RNF213: variants seen among roughly 807,000 people sequenced by gnomAD.
RNF213 encodes the protein E3 ubiquitin-protein ligase RNF213.
Under a neutral mutation model 514.4 loss-of-function variants are expected in RNF213, and 341 were observed. That is an observed-to-expected ratio of 0.66 (90% CI 0.61 to 0.73). The LOEUF is 0.73. Ranked by LOEUF, RNF213 falls within the 30% of genes least tolerant of loss-of-function variation. The pLI is 0.00. For missense variants in RNF213, 5,767 were observed against 6,615.6 expected, an observed-to-expected ratio of 0.87 and a Z score of 4.45; for synonymous variants, 2,655 against 2,658.2, an observed-to-expected ratio of 1.00 and a Z score of 0.04.
chr17:80,340,083 C>G lies in RNF213; in HGVS notation c.5716C>G (p.Arg1906Gly). ...AGATCAGCTGAGCTACGAGGTGGCA[C>G]GCCAAGCGGAGGAGCTTTTCCACAA... is the stretch of plus-strand genomic sequence containing the variant. The part of the protein sequence containing the change: ...FADQLSYEVA[R>G]QAEELFHNLC... The change falls in exon 26 of 68, where the codon CGC (arginine) becomes GGC (glycine). Residue 1906 changes from arginine (R) to glycine (G), a missense_variant. Physicochemically the swap from Arg to Gly is moderately radical, Grantham distance 125. Transcript: ENST00000582970. 3.1e-6 allele frequency: 5 copies of G among 1,600,162 alleles called. No homozygotes were observed. The highest frequency in any genetic ancestry group is 4.3e-6 in the Non-Finnish European group (5 of 1,175,396).
chr17:80,377,721 T>C lies in RNF213; in HGVS notation c.13511-41T>C. On this transcript the variant is annotated intron_variant, in intron 53 of 67. Coordinates refer to ENST00000582970, the MANE Select transcript of RNF213 (RefSeq NM_001256071.3). This position sits in a 1 kb window ranked among gnomAD's most constrained non-coding sequence, Gnocchi z 4.1. ...TCCCTTTTCAATGTGGGTCATTGGG[T>C]GAAACCTCATTAGCCAATGTGTGTC... 1 of 1,613,020 alleles carries C rather than the reference T, an allele frequency of 6.2e-7. No homozygotes were observed. Among genetic ancestry groups the C allele is most frequent in the Non-Finnish European group, 8.5e-7 (1 of 1,178,978 alleles).
intron 62 of RNF213, 27 bp downstream of exon 62, chr17:80,386,457 G>A (rs372898507): frequency 9.3e-6 from 15 of 1,612,580 alleles, no homozygotes; most frequent in African/African-American, 4.0e-5. Context: ...CCAGGAAGTG[G>A]TGCCTGCTCA....
chr17:80,265,040 G>GTTTTTTTTTTT (rs112658451), intron 2 of RNF213, among the ~76,000 whole-genome samples: 1 of 133,762 alleles, frequency 7.5e-6, no homozygotes, highest in African/African-American at 2.9e-5. Flanking sequence ...TTCCATGTTT[G>GTTTTTTTTTTT]TTTGTTTTTT....
In RNF213 at chr17:80,263,037, C is replaced by G. The variant is rs1196167995; in HGVS notation, c.-108-537C>G. Reference sequence around the variant, plus strand: ...CAAGCGCCCAAACGCCATCTCCACTCTCACCCTGGATGCAAGAAGTGACCC... The same window carrying G: ...CAAGCGCCCAAACGCCATCTCCACTGTCACCCTGGATGCAAGAAGTGACCC... On this transcript the variant is annotated intron_variant, in intron 1 of 67. Transcript: ENST00000582970. This position sits in a 1 kb window ranked among gnomAD's most constrained non-coding sequence, Gnocchi z 4.9. 6.6e-6 allele frequency among the ~76,000 whole-genome samples: 1 copy of G among 152,238 alleles called. No individual in the cohort carries two copies. Among genetic ancestry groups the G allele is most frequent in the Non-Finnish European group, 1.5e-5 (1 of 68,038 alleles).
intron 3 of RNF213, among the ~76,000 whole-genome samples, chr17:80,277,066 A>G (rs112467895): frequency 2.2e-4 from 34 of 151,684 alleles, no homozygotes; most frequent in Admixed American, 3.3e-4. Flanking sequence ...AAAACAAAGC[A>G]AACAAACCAA....
chr17:80,296,281 A>G (rs1044885259), intron 10 of RNF213, among the ~76,000 whole-genome samples: 3 of 152,132 alleles, frequency 2.0e-5, no homozygotes, highest in Non-Finnish European at 4.4e-5. Context: ...CGGCCTCCCA[A>G]AGTGCTAGGA....
Position 80,358,496 on chromosome 17 carries a change from C to G in RNF213, c.11054+17C>G. 6.2e-7 allele frequency: 1 copy of G among 1,609,512 alleles called. No homozygotes were observed. Among genetic ancestry groups the G allele is most frequent in the South Asian group, 1.1e-5 (1 of 90,708 alleles). ...TAATGAAAGGTGAGTGGAAGGCTTTCTTTCCCTGGGGAGAGAAACTATCAG... is the reference window on the plus strand; with the variant it reads ...TAATGAAAGGTGAGTGGAAGGCTTTGTTTCCCTGGGGAGAGAAACTATCAG... On this transcript the variant is annotated intron_variant, in intron 37 of 67. Coordinates refer to ENST00000582970, the MANE Select transcript of RNF213 (RefSeq NM_001256071.3).
chr17:80,344,981 C>G lies in RNF213; in HGVS notation c.6646C>G (p.Arg2216Gly). The G allele has an allele frequency of 6.2e-7, 1 of 1,614,158 alleles. No individual in the cohort carries two copies. The highest frequency in any genetic ancestry group is 8.5e-7 in the Non-Finnish European group (1 of 1,180,036). Reference protein sequence around the residue: ...GVINPSWSELRNFARFLNYQL... With the variant: ...GVINPSWSELGNFARFLNYQL... ...AATAAACCCATCCTGGTCAGAGCTT[C>G]GGAACTTTGCTCGGTTCCTGAATTA... is the stretch of plus-strand genomic sequence containing the variant. The change falls in exon 29 of 68, where the codon CGG (arginine) becomes GGG (glycine). Residue 2216 changes from arginine to glycine, a missense_variant. Transcript: ENST00000582970.
At chr17:80,382,024 G>C (rs757622575) in intron 57 of RNF213, 2 of 421,760 alleles carry the variant, frequency 4.7e-6, no homozygotes, top group Non-Finnish European at 9.0e-6. Flanking sequence ...CAAGTGTTCA[G>C]TGTGCATATA....
Position 80,337,937 on chromosome 17 carries a change from G to A in RNF213, c.4773G>A (p.Lys1591=), listed in dbSNP as rs2078036743. Residue 1591 remains lysine, a synonymous_variant, in exon 25 of 68, where the codon AAG becomes AAA. Coordinates refer to ENST00000582970, the MANE Select transcript of RNF213 (RefSeq NM_001256071.3). ...AGGAGGTGAAGGAGCTTTTGAACAA[G>A]TTGATGCTGATGTCTGGCAAGAAGG... is the stretch of plus-strand genomic sequence containing the variant. ...SLEEVKELLN[K]LMLMSGKKDR... 1 of 1,537,210 alleles carries A rather than the reference G, an allele frequency of 6.5e-7. No homozygotes were observed. The highest frequency in any genetic ancestry group is 1.4e-5 in the African/African-American group (1 of 73,062).
chr17:80,320,108 A>G (rs571693490), intron 17 of RNF213: 1 of 690,852 alleles, frequency 1.4e-6, no homozygotes, highest in Middle Eastern at 7.2e-4. Context: ...ATGTACAGTC[A>G]TCACCACAGT....
chr17:80,346,145 TC>T lies in RNF213; in HGVS notation c.7812del (p.Ile2605SerfsTer3), dbSNP rs1403532342. 6.2e-7 allele frequency: 1 copy of T among 1,614,038 alleles called. No individual in the cohort carries two copies. Among genetic ancestry groups the T allele is most frequent in the Non-Finnish European group, 8.5e-7 (1 of 1,180,006 alleles). On this transcript the variant is annotated frameshift_variant, in exon 29 of 68. Coordinates refer to ENST00000582970, the MANE Select transcript of RNF213 (RefSeq NM_001256071.3). LOFTEE classifies it high-confidence loss of function. This position sits in a 1 kb window ranked among gnomAD's most constrained non-coding sequence, Gnocchi z 8.1. ...GCAGATTGTCCAGAGACTGGTTGAGTCCATCAGCCTAGATGAAAACGGGACT... is the reference window on the plus strand; with the variant it reads ...GCAGATTGTCCAGAGACTGGTTGAGTCATCAGCCTAGATGAAAACGGGACT... Reference protein sequence around the residue: ...IQQIVQRLVESISLDENGTRV... With the variant: ...IQQIVQRLVEXISLDENGTRV...
chr17:80,279,467 T>C (rs1184280725), intron 3 of RNF213, among the ~76,000 whole-genome samples: 1 of 151,802 alleles, frequency 6.6e-6, no homozygotes. Context: ...TTTCTTTCTT[T>C]CTTTCTTTTT....
chr17:80,296,821 G>A (rs541606208), intron 10 of RNF213, among the ~76,000 whole-genome samples: 1 of 152,132 alleles, frequency 6.6e-6, no homozygotes, highest in South Asian at 2.1e-4. Flanking sequence ...AGCTGGGACT[G>A]CAGATACACA....
chr17:80,339,385 T>C lies in RNF213; in HGVS notation c.5018T>C (p.Leu1673Pro), dbSNP rs1228091298. Residue 1673 changes from leucine to proline, a missense_variant, in exon 26 of 68, where the codon CTG becomes CCG. Leu to Pro is a moderately conservative substitution (Grantham distance 98). This residue lies in a region of RNF213 where 1,377 missense variants were observed against 1,635.2 expected (regional missense o/e 0.84). Coordinates refer to ENST00000582970, the MANE Select transcript of RNF213 (RefSeq NM_001256071.3). ...LKEGGDVTELLAALCRQMEHF... is the reference protein window; with the variant it reads ...LKEGGDVTELPAALCRQMEHF... ...GAAGGTGGAGATGTCACTGAGCTGC[T>C]GGCAGCCCTCTGCAGGCAGATGGAG... 6.5e-7 allele frequency: 1 copy of C among 1,537,272 alleles called. No homozygotes were observed. Among genetic ancestry groups the C allele is most frequent in the Non-Finnish European group, 8.7e-7 (1 of 1,146,906 alleles).
chr17:80,266,118 T>C (rs958789660), intron 2 of RNF213, among the ~76,000 whole-genome samples: 2 of 152,028 alleles, frequency 1.3e-5, no homozygotes, highest in African/African-American at 4.8e-5. Context: ...CTCTGAGTCT[T>C]TGTTTGGTTG....
intron 67 of RNF213, among the ~76,000 whole-genome samples, chr17:80,392,029 A>C (rs1237454877): frequency 6.6e-6 from 1 of 151,792 alleles, no homozygotes; most frequent in Non-Finnish European, 1.5e-5. Flanking sequence ...CGGCCTCCCA[A>C]AGTGCTAGGA....
chr17:80,385,314 G>A (rs1196218858), intron 60 of RNF213, 143 bp downstream of exon 60: 2 of 1,121,042 alleles, frequency 1.8e-6, no homozygotes, highest in Non-Finnish European at 2.7e-6. Flanking sequence ...GCGGTGAAGG[G>A]TGCTTGAACC....
Position 80,349,165 on chromosome 17 carries a change from C to T in RNF213, c.9952-605C>T, listed in dbSNP as rs542660122. On this transcript the variant is annotated intron_variant, in intron 29 of 67. Transcript: ENST00000582970. The stretch of plus-strand genomic sequence containing the variant: ...CTCCTTAGATGAGTGGACATTGCTT[C>T]ATCATGACAGATACCGCAGGAACGG... 9.8e-5 allele frequency among the ~76,000 whole-genome samples: 15 copies of T among 152,304 alleles called. No homozygotes were observed. In the East Asian group the frequency reaches 2.9e-3, roughly 29 times the overall value.
Sources: gnomAD v4.1 joint callset for allele counts (sites outside exome capture counted in the v4.1 genomes callset) on GRCh38, gnomAD v4.1.1 for gene constraint, gnomAD v4.1.1 regional missense constraint, Gnocchi (gnomAD v3.1) non-coding constraint, MANE v1.5 for transcripts, NCBI Gene and HGNC (gene_info 2026-07-23, HGNC 2026-07-21) for gene names.